Variants in ARHGEF7 observed in about 807,000 individuals in gnomAD.
ARHGEF7 encodes the protein PAK-interacting exchange factor beta.
ARHGEF7 carries 33 observed loss-of-function variants against 109.8 expected under a neutral mutation model. That is an observed-to-expected ratio of 0.30 (90% CI 0.23 to 0.40). ARHGEF7 has a LOEUF of 0.40. ARHGEF7 is among the 10% of genes least tolerant of loss of function. The pLI is 1.00. For synonymous variants in ARHGEF7, 458 were observed against 424.6 expected (o/e 1.08, Z -0.97); for missense variants, 938 against 1,098.5 (o/e 0.85, Z 2.07).
intron 17 of ARHGEF7, among the ~76,000 whole-genome samples, chr13:111,287,518 G>A (rs1435795658): frequency 6.6e-6 from 1 of 152,226 alleles, no homozygotes; most frequent in Non-Finnish European, 1.5e-5. Flanking sequence ...CTATGTTTTA[G>A]TAGGAGGATA....
At chr13:111,294,598 A>C in intron 19 of ARHGEF7, 1 of 985,470 alleles carries the variant, frequency 1.0e-6, no homozygotes, top group Non-Finnish European at 1.2e-6. Context: ...TTGAATGTCT[A>C]ACACCATTAG....
chr13:111,129,206 A>C (rs2074610976), intron 1 of ARHGEF7, among the ~76,000 whole-genome samples: 1 of 152,220 alleles, frequency 6.6e-6, no homozygotes, highest in Non-Finnish European at 1.5e-5. Context: ...TACAAAAATT[A>C]ACTAAAAATG....
intron 1 of ARHGEF7, among the ~76,000 whole-genome samples, chr13:111,123,869 C>CCG (rs1555339529): frequency 6.9e-6 from 1 of 145,796 alleles, no homozygotes; most frequent in South Asian, 2.3e-4. Flanking sequence ...TGCGCCCCCC[C>CCG]CCCCCGGCCC....
At chr13:111,289,459 T>C (rs1175423476) in intron 18 of ARHGEF7, among the ~76,000 whole-genome samples, 2 of 152,226 alleles carry the variant, frequency 1.3e-5, no homozygotes, top group Admixed American at 6.5e-5. Context: ...ACAGCTGACA[T>C]GTGGGCACGT....
intron 2 of ARHGEF7, among the ~76,000 whole-genome samples, chr13:111,169,125 TC>T (rs1467493766): frequency 6.6e-6 from 1 of 152,164 alleles, no homozygotes; most frequent in African/African-American, 2.4e-5. Flanking sequence ...CAGAGGCAAA[TC>T]CGTTTAACAT....
intron 19 of ARHGEF7, chr13:111,294,034 C>G: frequency 2.0e-6 from 2 of 985,408 alleles, no homozygotes; most frequent in Non-Finnish European, 2.4e-6. Flanking sequence ...TACTGAACTG[C>G]TCACACCATT....
intron 6 of ARHGEF7, among the ~76,000 whole-genome samples, chr13:111,236,820 C>T (rs903221733): frequency 3.5e-4 from 54 of 152,194 alleles, no homozygotes; most frequent in African/African-American, 1.2e-3. Context: ...CCAAAATTAC[C>T]TGGGCTGGGT....
chr13:111,219,312 A>G (rs960049115), intron 5 of ARHGEF7, among the ~76,000 whole-genome samples: 1 of 152,204 alleles, frequency 6.6e-6, no homozygotes, highest in Non-Finnish European at 1.5e-5. Context: ...AGGGTTTTCC[A>G]TGCTGTAGCA....
At chr13:111,141,101 C>T (rs542201105) in intron 1 of ARHGEF7, among the ~76,000 whole-genome samples, 1 of 152,262 alleles carries the variant, frequency 6.6e-6, no homozygotes, top group South Asian at 2.1e-4. Context: ...ATTATTAACA[C>T]CCTACATTAG....
At chr13:111,127,183 GA>G (rs1380124938) in intron 1 of ARHGEF7, among the ~76,000 whole-genome samples, 1 of 152,080 alleles carries the variant, frequency 6.6e-6, no homozygotes, top group Non-Finnish European at 1.5e-5. Context: ...AACTTTCTTG[GA>G]AGACACGAAG....
At chr13:111,257,810 T>C (rs1487853432) in intron 8 of ARHGEF7, among the ~76,000 whole-genome samples, 5 of 152,204 alleles carry the variant, frequency 3.3e-5, no homozygotes, top group Admixed American at 2.6e-4. Context: ...AGACTTTGTA[T>C]TGGAACTCAG....
chr13:111,274,606 G>T, intron 10 of ARHGEF7, 125 bp from the exon 11 acceptor site: 1 of 457,324 alleles, frequency 2.2e-6, no homozygotes. Context: ...CTTTAATGCT[G>T]AGGGAAAAAG....
chr13:111,232,199 T>C (rs9522168), intron 5 of ARHGEF7, among the ~76,000 whole-genome samples: 67,914 of 151,956 alleles, frequency 0.45, 15,869 homozygotes, highest in South Asian at 0.56. Flanking sequence ...TAACCATTAA[T>C]AGAAATACAC....
intron 2 of ARHGEF7, among the ~76,000 whole-genome samples, chr13:111,165,361 A>G (rs1166411631): frequency 6.6e-6 from 1 of 152,196 alleles, no homozygotes; most frequent in Non-Finnish European, 1.5e-5. Flanking sequence ...AAGTCTTTCC[A>G]GTGCAGCTGG....
chr13:111,207,343 A>C (rs1314956759), intron 3 of ARHGEF7, among the ~76,000 whole-genome samples: 1 of 152,038 alleles, frequency 6.6e-6, no homozygotes, highest in Non-Finnish European at 1.5e-5. Context: ...TAATTTTTGC[A>C]TATTTGTAGA....
At chr13:111,270,096 A>G (rs183572090) in intron 9 of ARHGEF7, among the ~76,000 whole-genome samples, 1 of 152,100 alleles carries the variant, frequency 6.6e-6, no homozygotes, top group Admixed American at 6.5e-5. Flanking sequence ...CAGAATGCCA[A>G]CTCTGACCGT....
intron 17 of ARHGEF7, among the ~76,000 whole-genome samples, chr13:111,287,747 G>T (rs962119037): frequency 6.6e-6 from 1 of 152,234 alleles, no homozygotes; most frequent in Non-Finnish European, 1.5e-5. Flanking sequence ...ACAGTGCGCT[G>T]TGTGGGCCCA....
Position 111,292,184 on chromosome 13 carries a change from C to G in ARHGEF7, c.2201C>G (p.Ser734Cys). 1 of 1,613,974 alleles carries G rather than the reference C, an allele frequency of 6.2e-7. No homozygotes were observed. The highest frequency in any genetic ancestry group is 2.2e-5 in the East Asian group (1 of 44,872). Residue 734 changes from serine (S) to cysteine (C), a missense_variant, in exon 19 of 22, where the codon TCC (serine) becomes TGC (cysteine). Physicochemically the swap from Ser to Cys is moderately radical, Grantham distance 112. Around this residue, in one of 4 missense-constraint regions of ARHGEF7, gnomAD observed 166 missense variants for 167.3 expected, o/e 0.99. Transcript: ENST00000646102. ...GATGATGACCAACCAAGCCTAGACT[C>G]CCTGGGGCGTCGCAGTAGCCTTTCT... is the stretch of plus-strand genomic sequence containing the variant. The part of the protein sequence containing the change: ...LADDDQPSLD[S>C]LGRRSSLSRL...
chr13:111,172,809 G>A (rs1423555762), intron 2 of ARHGEF7, among the ~76,000 whole-genome samples: 1 of 152,164 alleles, frequency 6.6e-6, no homozygotes, highest in Non-Finnish European at 1.5e-5. Context: ...GTTGTTGTGC[G>A]ACAGCAGCCA....
Sources: allele counts gnomAD v4.1 joint callset (sites outside exome capture counted in the v4.1 genomes callset), GRCh38; gene constraint gnomAD v4.1.1; regional missense constraint gnomAD v4.1.1; transcripts MANE v1.5; gene names NCBI Gene and HGNC (gene_info 2026-07-23, HGNC 2026-07-21).